NRL: variants seen among roughly 807,000 people sequenced by gnomAD.
The protein encoded by NRL is neural retina leucine zipper.
NRL carries 16 observed loss-of-function variants against 12.5 expected under a neutral mutation model. The ratio of observed to expected loss-of-function variants is 1.28; its 90% confidence interval spans 0.87 to 1.95. The LOEUF is 1.95. Among genes scored for constraint, NRL ranks in the 30% most tolerant of loss-of-function variants. The probability of loss-of-function intolerance (pLI) is 0.00; values close to 1 mark genes in which losing one functional copy is unlikely to be tolerated. For synonymous variants in NRL, 142 were observed against 150.9 expected, an observed-to-expected ratio of 0.94 and a Z score of 0.43; for missense variants, 314 against 325.8, an observed-to-expected ratio of 0.96 and a Z score of 0.28.
Position 24,094,665 on chromosome 14 carries a change from C to T in NRL, c.-27-11790G>A, listed in dbSNP as rs1594279693. On this transcript the variant is annotated intron_variant, in intron 1 of 2. Transcript: ENST00000561028. This position sits in a 1 kb window ranked among gnomAD's most constrained non-coding sequence, Gnocchi z 4.1. ...ACCTCCCCTTCTCTGCCTCGCTCGC[C>T]TCTGACCGCGCGATCTCTATCTGCC... The T allele has an allele frequency of 1.3e-6, 2 of 1,513,340 alleles. No homozygotes were observed. The highest frequency in any genetic ancestry group is 2.0e-5 in the Admixed American group (1 of 49,774). 93.7% of individuals were successfully genotyped at this position (1,513,340 alleles called of 1,614,324 possible).
rs763759034 is a variant in NRL, at chr14:24,089,707, G to A, written c.-27-6832C>T. Among the ~76,000 whole-genome samples the A allele has an allele frequency of 1.6e-4, 24 of 152,166 alleles. 1 individual carries two copies. Among genetic ancestry groups the A allele is most frequent in the Admixed American group, 6.5e-4 (10 of 15,274 alleles). On this transcript the variant is annotated intron_variant, in intron 1 of 2. Transcript: ENST00000561028. ...AGGGTGCTATGAAATTTTCTTCCACGAAGACATACTCTAATACAAAGCCAG... is the reference window on the plus strand; with the variant it reads ...AGGGTGCTATGAAATTTTCTTCCACAAAGACATACTCTAATACAAAGCCAG...
chr14:24,098,317 G>C (rs2036989958), intron 1 of NRL: 7 of 1,614,014 alleles, frequency 4.3e-6, no homozygotes, highest in Non-Finnish European at 5.9e-6. Flanking sequence ...CCCGTGGGCA[G>C]CTGGGCAACT....
chr14:24,108,851 G>A (rs2037377710), intron 1 of NRL, among the ~76,000 whole-genome samples: 1 of 152,170 alleles, frequency 6.6e-6, no homozygotes, highest in Non-Finnish European at 1.5e-5. Flanking sequence ...ACATGTATGA[G>A]CATCAGTCAC....
At chr14:24,101,759 T>C (rs1327019845) in intron 1 of NRL, among the ~76,000 whole-genome samples, 2 of 151,842 alleles carry the variant, frequency 1.3e-5, no homozygotes, top group Non-Finnish European at 2.9e-5. Context: ...CCGTCTCCAA[T>C]AAAATACAAA....
At chr14:24,109,401 A>T (rs1370030794) in intron 1 of NRL, among the ~76,000 whole-genome samples, 1 of 152,202 alleles carries the variant, frequency 6.6e-6, no homozygotes, top group Non-Finnish European at 1.5e-5. Context: ...AGGCTTAAAA[A>T]TCTTTTATAT....
intron 1 of NRL, among the ~76,000 whole-genome samples, chr14:24,110,959 G>C (rs996938623): frequency 6.6e-6 from 1 of 152,192 alleles, no homozygotes; most frequent in Non-Finnish European, 1.5e-5. Context: ...GTTTGTATTT[G>C]AAACAATGAA....
intron 1 of NRL, among the ~76,000 whole-genome samples, chr14:24,109,388 C>T (rs924088644): frequency 3.3e-5 from 5 of 152,118 alleles, no homozygotes; most frequent in African/African-American, 9.7e-5. Context: ...TAATCAAGTT[C>T]ATAGGCTTAA....
intron 2 of NRL, among the ~76,000 whole-genome samples, 189 bp downstream of exon 2, chr14:24,082,278 AT>A (rs1229548843): frequency 1.3e-5 from 2 of 151,982 alleles, no homozygotes; most frequent in African/African-American, 4.8e-5. Flanking sequence ...ATTTCTCTCC[AT>A]TTTAAGAAAA....
At position 24,091,451 on chromosome 14, in the gene NRL, G is replaced by A. The variant is rs554161886; in HGVS notation, c.-27-8576C>T. Among the ~76,000 whole-genome samples the A allele has an allele frequency of 3.9e-5, 6 of 152,350 alleles. No individual in the cohort carries two copies. In the South Asian group the frequency reaches 1.0e-3, roughly 26 times the overall value. On this transcript the variant is annotated intron_variant, in intron 1 of 2. Coordinates refer to ENST00000561028, the MANE Select transcript of NRL (RefSeq NM_001354768.3). ...TCAGAGTTCAGTACGTAGGAGAAAA[G>A]GAGGCAAGTGGGGATGTGGGGGTGA...
In NRL at chr14:24,079,754, C is replaced by G. The variant is rs575169334; in HGVS notation, c.*1482G>C. On this transcript the variant is annotated 3_prime_UTR_variant, in exon 3 of 3. Transcript: ENST00000561028. Reference sequence around the variant, plus strand: ...CGGTAGAGGACAGATGACAGTAACTCGTGAGGCGGCTGCTCCCAGCACAAC... The same window carrying G: ...CGGTAGAGGACAGATGACAGTAACTGGTGAGGCGGCTGCTCCCAGCACAAC... Among the ~76,000 whole-genome samples the G allele has an allele frequency of 2.0e-5, 3 of 152,208 alleles. No homozygotes were observed. Among genetic ancestry groups the G allele is most frequent in the Non-Finnish European group, 2.9e-5 (2 of 68,042 alleles).
chr14:24,113,607 C>T (rs561056474), intron 1 of NRL, among the ~76,000 whole-genome samples: 29 of 152,322 alleles, frequency 1.9e-4, no homozygotes, highest in Non-Finnish European at 2.8e-4. Flanking sequence ...CAGGCACTTG[C>T]TTTAAAATTA....
intron 1 of NRL, chr14:24,103,877 C>T (rs186959087): frequency 6.2e-7 from 1 of 1,614,128 alleles, no homozygotes; most frequent in Non-Finnish European, 8.5e-7. Flanking sequence ...ACATTCGGAG[C>T]TACCTGACAG....
chr14:24,091,353 G>A (rs772955050), intron 1 of NRL, among the ~76,000 whole-genome samples: 14 of 152,196 alleles, frequency 9.2e-5, no homozygotes, highest in Non-Finnish European at 1.9e-4. Context: ...GTTTCACCAT[G>A]TTGGCCAGGA....
At chr14:24,109,530 C>T (rs1022395155) in intron 1 of NRL, among the ~76,000 whole-genome samples, 2 of 151,924 alleles carry the variant, frequency 1.3e-5, no homozygotes, top group African/African-American at 2.4e-5. Flanking sequence ...CCCGTCTCTA[C>T]TAAGAAAAAT....
intron 1 of NRL, among the ~76,000 whole-genome samples, chr14:24,089,756 T>C (rs753539243): frequency 1.3e-5 from 2 of 152,180 alleles, no homozygotes; most frequent in African/African-American, 4.8e-5. Flanking sequence ...CAGGGACAGG[T>C]TGCCTAAGAA....
chr14:24,099,565 G>A, intron 1 of NRL: 1 of 1,591,774 alleles, frequency 6.3e-7, no homozygotes, highest in South Asian at 1.2e-5. Context: ...CAGATCCTGG[G>A]CATCACCAGC....
chr14:24,111,741 G>A (rs1003263393), intron 1 of NRL, among the ~76,000 whole-genome samples: 11 of 151,610 alleles, frequency 7.3e-5, no homozygotes, highest in Admixed American at 7.2e-4. Context: ...TTTGGGCTGA[G>A]ACGATGGGGT....
At chr14:24,102,957 C>T (rs889938950) in intron 1 of NRL, 8 of 1,481,966 alleles carry the variant, frequency 5.4e-6, no homozygotes, top group Non-Finnish European at 7.5e-6. Flanking sequence ...CTACCTCCCT[C>T]CCTCTGATCC....
rs1242218021 is a variant in NRL, at chr14:24,081,617, C to A, written c.382-49G>T. The A allele has an allele frequency of 2.6e-6, 4 of 1,550,582 alleles. No individual in the cohort carries two copies. Among genetic ancestry groups the A allele is most frequent in the Non-Finnish European group, 3.5e-6 (4 of 1,148,226 alleles). On this transcript the variant is annotated intron_variant, in intron 2 of 2. Transcript: ENST00000561028. This position sits in a 1 kb window ranked among gnomAD's most constrained non-coding sequence, Gnocchi z 4.4. Reference sequence around the variant, plus strand: ...CGGGTCAGCGCCAGGTCGCACCCGGCTCTGCCCTGAGGGCCCGACGCTACC... The same window carrying A: ...CGGGTCAGCGCCAGGTCGCACCCGGATCTGCCCTGAGGGCCCGACGCTACC...
Sources: allele counts gnomAD v4.1 joint callset (sites outside exome capture counted in the v4.1 genomes callset), GRCh38; gene constraint gnomAD v4.1.1; non-coding constraint Gnocchi (gnomAD v3.1); transcripts MANE v1.5; gene names NCBI Gene and HGNC (gene_info 2026-07-23, HGNC 2026-07-21).